The following TNRC6A variants were observed in gnomAD, a reference collection of about 807,000 sequenced individuals.
The protein encoded by TNRC6A is trinucleotide repeat containing adaptor 6A.
TNRC6A carries 44 observed loss-of-function variants against 221.2 expected under a neutral mutation model. The ratio of observed to expected loss-of-function variants is 0.20; its 90% confidence interval spans 0.16 to 0.26. The LOEUF (loss-of-function observed/expected upper bound fraction) is 0.26, where lower values mean the gene tolerates loss of function less well. Among genes scored for constraint, TNRC6A ranks in the 10% least tolerant of loss-of-function variants. The pLI, the probability that TNRC6A is intolerant of heterozygous loss-of-function variation, is 1.00. For missense variants in TNRC6A, 2,199 were observed against 2,404.4 expected (o/e 0.91, Z 1.79); for synonymous variants, 847 against 838.5 (o/e 1.01, Z -0.18).
In TNRC6A at chr16:24,730,284, G is replaced by A; in HGVS notation, c.37G>A (p.Glu13Lys). Reference protein sequence around the residue: ...ELEAKATKDVERNLSRDLVQE... With the variant: ...ELEAKATKDVKRNLSRDLVQE... ...GGAAGCTAAAGCTACCAAAGACGTA[G>A]AAAGAAATCTTAGCAGGTAAGATGG... The change falls in exon 2 of 25, where the codon GAA becomes AAA. Residue 13 changes from glutamate to lysine, a missense_variant. By Grantham distance (56) the Glu-to-Lys change is moderately conservative. Coordinates refer to ENST00000395799, the MANE Select transcript of TNRC6A (RefSeq NM_014494.4). The A allele has an allele frequency of 6.2e-7, 1 of 1,603,274 alleles. No homozygotes were observed. The highest frequency in any genetic ancestry group is 8.5e-7 in the Non-Finnish European group (1 of 1,175,990).
intron 3 of TNRC6A, among the ~76,000 whole-genome samples, chr16:24,752,714 C>T (rs962214593): frequency 6.6e-6 from 1 of 152,140 alleles, no homozygotes; most frequent in African/African-American, 2.4e-5. Context: ...ATGAAAAGAG[C>T]TTCTAAGAAA....
At chr16:24,751,200 C>G (rs1312175427) in intron 3 of TNRC6A, among the ~76,000 whole-genome samples, 1 of 152,134 alleles carries the variant, frequency 6.6e-6, no homozygotes, top group Non-Finnish European at 1.5e-5. Flanking sequence ...TATTTAGCCT[C>G]TCTGGGCCTT....
intron 2 of TNRC6A, among the ~76,000 whole-genome samples, chr16:24,704,082 CAAAAAA>C (rs34569194): frequency 1.3e-4 from 17 of 132,966 alleles, no homozygotes; most frequent in African/African-American, 1.1e-4. Flanking sequence ...GACCTTGTAT[CAAAAAA>C]AAAAAAAAAA....
chr16:24,612,710 G>A (rs756007581), intron 1 of TNRC6A, among the ~76,000 whole-genome samples: 1 of 152,026 alleles, frequency 6.6e-6, no homozygotes, highest in Admixed American at 6.6e-5. Flanking sequence ...TTGCGCCACT[G>A]CACTCAGCCT....
At chr16:24,713,634 TTTTAG>T (rs1410127752) in intron 2 of TNRC6A, among the ~76,000 whole-genome samples, 2 of 151,920 alleles carry the variant, frequency 1.3e-5, no homozygotes, top group Non-Finnish European at 2.9e-5. Context: ...ATTGTTTTTA[TTTTAG>T]TTTAGTTTAG....
Position 24,790,204 on chromosome 16 carries a change from C to T in TNRC6A, c.1562C>T (p.Thr521Ile). The T allele has an allele frequency of 2.5e-6, 4 of 1,614,232 alleles. No individual in the cohort carries two copies. Among genetic ancestry groups the T allele is most frequent in the South Asian group, 2.2e-5 (2 of 91,082 alleles). ...ESKSGGSYGT[T>I]WGAYGSNYSG... ...AAAAGTGGAGGCTCTTATGGTACTA[C>T]ATGGGGTGCCTATGGTTCTAATTAC... The change falls in exon 6 of 25, where the codon ACA (threonine) becomes ATA (isoleucine). Residue 521 changes from threonine to isoleucine, a missense_variant. Coordinates refer to ENST00000395799, the MANE Select transcript of TNRC6A (RefSeq NM_014494.4).
At chr16:24,755,136 A>G (rs1200033942) in intron 3 of TNRC6A, among the ~76,000 whole-genome samples, 1 of 152,130 alleles carries the variant, frequency 6.6e-6, no homozygotes, top group African/African-American at 2.4e-5. Context: ...AACTCATTTT[A>G]TTCAACAGAT....
intron 2 of TNRC6A, among the ~76,000 whole-genome samples, chr16:24,645,834 C>CAA (rs36106864): frequency 0.037 from 987 of 26,586 alleles, 225 homozygotes; most frequent in Middle Eastern, 0.062. Context: ...CCTGTATCTA[C>CAA]AAAAAAAAAA....
At chr16:24,649,500 G>T (rs796345641) in intron 2 of TNRC6A, among the ~76,000 whole-genome samples, 6 of 151,624 alleles carry the variant, frequency 4.0e-5, no homozygotes, top group Non-Finnish European at 8.8e-5. Context: ...GTAGAGACAG[G>T]ATCTCCCTAT....
At chr16:24,804,406 A>G (rs2058388877) in intron 12 of TNRC6A, 87 bp downstream of exon 12, 5 of 1,448,446 alleles carry the variant, frequency 3.5e-6, no homozygotes, top group South Asian at 1.3e-5. Flanking sequence ...AACCTTTTAT[A>G]TAATATAAAG....
intron 2 of TNRC6A, among the ~76,000 whole-genome samples, chr16:24,675,701 TC>T (rs2055405103): frequency 1.5e-5 from 1 of 67,210 alleles, no homozygotes; most frequent in Non-Finnish European, 2.9e-5. Context: ...TCTCTCTCTC[TC>T]TATATATATA....
At chr16:24,741,096 T>G (rs566263702) in intron 2 of TNRC6A, among the ~76,000 whole-genome samples, 1 of 152,250 alleles carries the variant, frequency 6.6e-6, no homozygotes, top group Non-Finnish European at 1.5e-5. Context: ...CATCTGTGAA[T>G]AGAGACAGTT....
intron 1 of TNRC6A, among the ~76,000 whole-genome samples, chr16:24,626,953 G>GT (rs374063274): frequency 0.011 from 1,461 of 138,940 alleles, 20 homozygotes; most frequent in African/African-American, 0.026. Flanking sequence ...CGCCCAGCCT[G>GT]TTTTTTTTTT....
intron 2 of TNRC6A, among the ~76,000 whole-genome samples, chr16:24,697,559 C>A (rs888909488): frequency 1.3e-5 from 2 of 152,064 alleles, no homozygotes; most frequent in African/African-American, 4.8e-5. Context: ...GTGGCACGCA[C>A]CTGTAGTCCC....
chr16:24,758,265 A>G, intron 3 of TNRC6A, 74 bp from the exon 4 acceptor site: 1 of 1,447,902 alleles, frequency 6.9e-7, no homozygotes, highest in Non-Finnish European at 9.6e-7. Context: ...TAATATATGA[A>G]CATTTTATCA....
At chr16:24,660,368 T>G (rs113347957) in intron 2 of TNRC6A, among the ~76,000 whole-genome samples, 191 of 152,308 alleles carry the variant, frequency 1.3e-3, no homozygotes, top group African/African-American at 4.5e-3. Context: ...CTTCGACTAA[T>G]AGTCTCCAAT....
intron 14 of TNRC6A, 120 bp from the exon 15 acceptor site, chr16:24,805,485 A>G (rs773490407): frequency 5.0e-6 from 7 of 1,390,916 alleles, no homozygotes; most frequent in Non-Finnish European, 4.9e-6. Context: ...GACAAAGACT[A>G]TAACCCCCAA....
chr16:24,802,352 C>T (rs970613624), intron 11 of TNRC6A, among the ~76,000 whole-genome samples: 1 of 152,018 alleles, frequency 6.6e-6, no homozygotes, highest in Non-Finnish European at 1.5e-5. Context: ...AGTTGGAGAC[C>T]GCTTGGGCAA....
chr16:24,692,254 C>T (rs2055770260), intron 2 of TNRC6A, among the ~76,000 whole-genome samples: 1 of 152,140 alleles, frequency 6.6e-6, no homozygotes, highest in South Asian at 2.1e-4. Context: ...CCTTAGGGAA[C>T]CTCTGGAGAT....
Sources: gnomAD v4.1 joint callset for allele counts (sites outside exome capture counted in the v4.1 genomes callset) on GRCh38, gnomAD v4.1.1 for gene constraint, MANE v1.5 for transcripts, NCBI Gene and HGNC (gene_info 2026-07-23, HGNC 2026-07-21) for gene names.